The following XKR4 variants were observed in gnomAD, a reference collection of about 807,000 sequenced individuals.
XKR4 encodes the protein XK-related protein 4.
A neutral mutation model predicts 53.9 loss-of-function variants in XKR4; 12 were observed. The ratio of observed to expected loss-of-function variants is 0.22; its 90% CI spans 0.14 to 0.36. XKR4 has a LOEUF of 0.36. XKR4 is among the 10% of genes least tolerant of loss of function. The pLI, the probability that XKR4 is intolerant of heterozygous loss-of-function variation, is 1.00. For missense variants in XKR4, 799 were observed against 859.5 expected, an observed-to-expected ratio of 0.93 and a Z score of 0.88; for synonymous variants, 354 against 362.4, an observed-to-expected ratio of 0.98 and a Z score of 0.26.
intron 2 of XKR4, among the ~76,000 whole-genome samples, chr8:55,374,909 C>T (rs1023059155): frequency 1.3e-5 from 2 of 152,142 alleles, no homozygotes; most frequent in Non-Finnish European, 2.9e-5. Context: ...AGACATAAAC[C>T]GAATGTGACT....
At chr8:55,408,977 A>C (rs1804734863) in intron 2 of XKR4, among the ~76,000 whole-genome samples, 1 of 149,036 alleles carries the variant, frequency 6.7e-6, no homozygotes, top group Non-Finnish European at 1.5e-5. Context: ...ACTGCACTCC[A>C]GCCTGGACGA....
chr8:55,311,842 A>AG (rs1360356080), intron 1 of XKR4, among the ~76,000 whole-genome samples: 2 of 150,102 alleles, frequency 1.3e-5, no homozygotes, highest in Non-Finnish European at 3.0e-5. Flanking sequence ...AAAAAAAAAA[A>AG]AAAAAAAAAG....
chr8:55,289,601 GAAAGAAA>G (rs1818957596), intron 1 of XKR4, among the ~76,000 whole-genome samples: 1 of 89,294 alleles, frequency 1.1e-5, no homozygotes, highest in Non-Finnish European at 2.2e-5. Flanking sequence ...GAGAAAGAAA[GAAAGAAA>G]GAAAGAAAGA....
intron 2 of XKR4, among the ~76,000 whole-genome samples, chr8:55,364,634 G>GTTT (rs549788066): frequency 2.6e-5 from 4 of 151,440 alleles, no homozygotes; most frequent in African/African-American, 7.3e-5. Flanking sequence ...GTTTTGTTGG[G>GTTT]GTTTTTTTTG....
At chr8:55,112,550 T>C (rs1349136002) in intron 1 of XKR4, among the ~76,000 whole-genome samples, 4 of 147,064 alleles carry the variant, frequency 2.7e-5, no homozygotes. Context: ...GGCTGAATTC[T>C]TTACTTTTCA....
chr8:55,494,106 C>T (rs779130771), intron 2 of XKR4, among the ~76,000 whole-genome samples: 13 of 152,220 alleles, frequency 8.5e-5, no homozygotes, highest in Non-Finnish European at 1.3e-4. Context: ...CACAGAGCAG[C>T]GAGGGGTGTA....
At chr8:55,167,902 T>A (rs1266548182) in intron 1 of XKR4, among the ~76,000 whole-genome samples, 1 of 152,176 alleles carries the variant, frequency 6.6e-6, no homozygotes, top group East Asian at 1.9e-4. Flanking sequence ...ACCAGGCAAG[T>A]GTGATATCCA....
intron 1 of XKR4, among the ~76,000 whole-genome samples, chr8:55,306,192 T>C (rs912133602): frequency 2.0e-5 from 3 of 152,166 alleles, no homozygotes; most frequent in African/African-American, 7.2e-5. Flanking sequence ...CTGAACATGG[T>C]TTATAAACAT....
intron 2 of XKR4, among the ~76,000 whole-genome samples, chr8:55,381,905 C>T (rs960504667): frequency 7.2e-5 from 11 of 152,276 alleles, no homozygotes; most frequent in Non-Finnish European, 1.0e-4. Flanking sequence ...ATTGAGGGTG[C>T]GGGGGCACTG....
chr8:55,279,339 T>C (rs1818805559), intron 1 of XKR4, among the ~76,000 whole-genome samples: 1 of 152,166 alleles, frequency 6.6e-6, no homozygotes, highest in Non-Finnish European at 1.5e-5. Flanking sequence ...TACACCATGG[T>C]TCTCCACCCA....
chr8:55,521,584 C>G (rs1806798791), intron 2 of XKR4, among the ~76,000 whole-genome samples: 1 of 152,142 alleles, frequency 6.6e-6, no homozygotes, highest in South Asian at 2.1e-4. Flanking sequence ...AAAGAAAAAC[C>G]TGAAGGTCCC....
chr8:55,501,034 T>C (rs1439151042), intron 2 of XKR4, among the ~76,000 whole-genome samples: 1 of 152,212 alleles, frequency 6.6e-6, no homozygotes, highest in African/African-American at 2.4e-5. Context: ...TCTGGAGCCC[T>C]GGCAGGTAAT....
intron 1 of XKR4, among the ~76,000 whole-genome samples, chr8:55,348,276 C>A (rs765028012): frequency 7.2e-5 from 11 of 152,068 alleles, no homozygotes; most frequent in Non-Finnish European, 1.2e-4. Flanking sequence ...ACATCAAGAG[C>A]CACTGTTCAT....
At position 55,524,256 on chromosome 8, in the gene XKR4, T is replaced by A; in HGVS notation, c.*29T>A. The A allele has an allele frequency of 6.3e-7, 1 of 1,588,092 alleles. No homozygotes were observed. Among genetic ancestry groups the A allele is most frequent in the Non-Finnish European group, 8.6e-7 (1 of 1,164,732 alleles). On this transcript the variant is annotated 3_prime_UTR_variant, in exon 3 of 3. Transcript: ENST00000327381. ...AAAAGGAGTTGCAGGACCCACAACA[T>A]CCAGATGAAGGGGTGACAGCAGGGC...
chr8:55,315,536 G>C (rs1047280698), intron 1 of XKR4, among the ~76,000 whole-genome samples: 29 of 152,178 alleles, frequency 1.9e-4, no homozygotes, highest in Non-Finnish European at 4.3e-4. Context: ...TAACTTGCCT[G>C]TAGTCCTAGC....
intron 1 of XKR4, among the ~76,000 whole-genome samples, chr8:55,288,154 C>T (rs1167487518): frequency 6.6e-6 from 1 of 152,044 alleles, no homozygotes; most frequent in Non-Finnish European, 1.5e-5. Context: ...GATTGGATAC[C>T]CCTAGAGTAT....
At chr8:55,362,282 A>T (rs530015568) in intron 2 of XKR4, among the ~76,000 whole-genome samples, 1 of 152,284 alleles carries the variant, frequency 6.6e-6, no homozygotes, top group Admixed American at 6.5e-5. Context: ...AACGGGAAAA[A>T]TAGTTCAAAT....
intron 2 of XKR4, among the ~76,000 whole-genome samples, chr8:55,487,578 T>G (rs755000678): frequency 3.3e-5 from 5 of 151,958 alleles, no homozygotes; most frequent in Non-Finnish European, 7.4e-5. Flanking sequence ...GCGATTCTCA[T>G]GCCTCAGCTT....
In XKR4 at chr8:55,166,202, G is replaced by A. The variant is rs1270780354; in HGVS notation, c.806+62908G>A. ...CAATAAAAAATTGCTCAATTCAACT[G>A]TATCTATTATATTTGGTTATAGAAG... On this transcript the variant is annotated intron_variant, in intron 1 of 2. Transcript: ENST00000327381. Among the ~76,000 whole-genome samples, 7 of 152,296 alleles carry A rather than the reference G, an allele frequency of 4.6e-5. No homozygotes were observed. In the East Asian group the frequency reaches 5.8e-4, roughly 13 times the overall value.
Sources: allele counts gnomAD v4.1 joint callset (sites outside exome capture counted in the v4.1 genomes callset), GRCh38; gene constraint gnomAD v4.1.1; transcripts MANE v1.5; gene names NCBI Gene and HGNC (gene_info 2026-07-23, HGNC 2026-07-21).